The following SKAP1 variants were observed in gnomAD, a reference collection of about 807,000 sequenced individuals.
The protein encoded by SKAP1 is src kinase-associated phosphoprotein 1.
A neutral mutation model predicts 58.5 loss-of-function variants in SKAP1; 44 were observed. The ratio of observed to expected loss-of-function variants is 0.75; its 90% CI spans 0.59 to 0.97. SKAP1 has a LOEUF of 0.97. Among genes scored for constraint, SKAP1 ranks in the 50% least tolerant of loss-of-function variants. The pLI is 0.00. For missense variants in SKAP1, 390 were observed against 435.2 expected, an observed-to-expected ratio of 0.90 and a Z score of 0.92; for synonymous variants, 127 against 149.7, an observed-to-expected ratio of 0.85 and a Z score of 1.11.
At chr17:48,227,860 A>G (rs886587907) in intron 4 of SKAP1, among the ~76,000 whole-genome samples, 1 of 152,194 alleles carries the variant, frequency 6.6e-6, no homozygotes, top group African/African-American at 2.4e-5. Context: ...GTTTTATCTT[A>G]TAAGGTTGTT....
chr17:48,262,695 A>G (rs1376296057), intron 4 of SKAP1, among the ~76,000 whole-genome samples: 2 of 152,198 alleles, frequency 1.3e-5, no homozygotes, highest in African/African-American at 4.8e-5. Context: ...ATGTTTTATG[A>G]GCCAATGCCA....
chr17:48,149,860 C>T (rs752342344), intron 11 of SKAP1, among the ~76,000 whole-genome samples: 1 of 152,030 alleles, frequency 6.6e-6, no homozygotes, highest in African/African-American at 2.4e-5. Context: ...CCATTTTTCA[C>T]GGACAAACTT....
chr17:48,171,090 G>GTT lies in SKAP1; in HGVS notation c.827-433_827-432dup, dbSNP rs1458338120. On this transcript the variant is annotated intron_variant, in intron 9 of 12. Coordinates refer to ENST00000336915, the MANE Select transcript of SKAP1 (RefSeq NM_003726.4). ...CTTCTTTAAGGAAAGTTTAATTACT[G>GTT]TTGTTTTTTTTTTTTTTTTTTTTTT... is the stretch of plus-strand genomic sequence containing the variant. 9.0e-4 allele frequency among the ~76,000 whole-genome samples: 67 copies of GTT among 74,106 alleles called. 1 individual carries two copies. Among genetic ancestry groups the GTT allele is most frequent in the South Asian group, 3.4e-3 (6 of 1,744 alleles). The allele number at this position is 74,106 out of a possible 152,430, so 48.6% of individuals were successfully genotyped here. A position where few individuals can be genotyped will look rare whatever the true frequency, so the allele number is the denominator to read the frequency against.
At chr17:48,270,492 C>T (rs754717484) in intron 4 of SKAP1, among the ~76,000 whole-genome samples, 49 of 151,950 alleles carry the variant, frequency 3.2e-4, no homozygotes, top group Non-Finnish European at 2.4e-4. Flanking sequence ...TACAGGTGCG[C>T]GCCACATGCC....
chr17:48,170,665 G>A lies in SKAP1; in HGVS notation c.827-6C>T, dbSNP rs1385613600. On this transcript the variant is annotated splice_region_variant and splice_polypyrimidine_tract_variant and intron_variant, in intron 9 of 12. Transcript: ENST00000336915. Reference sequence around the variant, plus strand: ...TTCTAGATCATGCTCTTCATCTGGGGGGATAAATGATCAGTATTAGCAATT... The same window carrying A: ...TTCTAGATCATGCTCTTCATCTGGGAGGATAAATGATCAGTATTAGCAATT... The A allele has an allele frequency of 6.2e-7, 1 of 1,612,470 alleles. No homozygotes were observed. The highest frequency in any genetic ancestry group is 8.5e-7 in the Non-Finnish European group (1 of 1,179,232).
intron 4 of SKAP1, among the ~76,000 whole-genome samples, chr17:48,322,069 G>A (rs945305067): frequency 2.0e-5 from 3 of 152,008 alleles, no homozygotes; most frequent in African/African-American, 7.3e-5. Flanking sequence ...TATCTGCCTG[G>A]CATTATCTTT....
At chr17:48,323,615 A>G (rs1253679539) in intron 4 of SKAP1, among the ~76,000 whole-genome samples, 1 of 152,168 alleles carries the variant, frequency 6.6e-6, no homozygotes, top group African/African-American at 2.4e-5. Context: ...TACTAAGAAT[A>G]AATGCATTTG....
chr17:48,137,583 C>G (rs2144564790), intron 11 of SKAP1, among the ~76,000 whole-genome samples: 1 of 152,296 alleles, frequency 6.6e-6, no homozygotes, highest in South Asian at 2.1e-4. Context: ...CTTGCTGAAC[C>G]TGAAGAGCAT....
At chr17:48,428,795 G>C (rs1046910680) in intron 1 of SKAP1, among the ~76,000 whole-genome samples, 2 of 152,142 alleles carry the variant, frequency 1.3e-5, no homozygotes, top group African/African-American at 4.8e-5. Flanking sequence ...AGAGGGAAAG[G>C]CTGGATTGTT....
intron 3 of SKAP1, among the ~76,000 whole-genome samples, chr17:48,353,109 G>C (rs1398320900): frequency 6.6e-6 from 1 of 152,172 alleles, no homozygotes; most frequent in African/African-American, 2.4e-5. Context: ...CAAGAAAGAA[G>C]TGGTCCAATT....
At chr17:48,194,425 C>T (rs900540209) in intron 4 of SKAP1, among the ~76,000 whole-genome samples, 17 of 152,278 alleles carry the variant, frequency 1.1e-4, no homozygotes, top group African/African-American at 3.9e-4. Context: ...GAGTGTGATA[C>T]ATTTCCATAA....
At chr17:48,438,941 G>C in the SKAP1 span, among the ~76,000 whole-genome samples, 1 of 152,184 alleles carries the variant, frequency 6.6e-6, no homozygotes, top group Non-Finnish European at 1.5e-5. Context: ...GAGAGTGAAT[G>C]AGAAGTTGAA....
At chr17:48,316,313 TA>T (rs2066286196) in intron 4 of SKAP1, among the ~76,000 whole-genome samples, 1 of 152,196 alleles carries the variant, frequency 6.6e-6, no homozygotes, top group Non-Finnish European at 1.5e-5. Context: ...GTTTCTTGAT[TA>T]TTCCCTGAAG....
At chr17:48,440,078 G>C in the SKAP1 span, among the ~76,000 whole-genome samples, 1 of 152,180 alleles carries the variant, frequency 6.6e-6, no homozygotes, top group East Asian at 1.9e-4. Context: ...TGATAGTTCA[G>C]CAATGCGGCC....
At chr17:48,176,447 C>T (rs907048666) in intron 9 of SKAP1, among the ~76,000 whole-genome samples, 6 of 152,028 alleles carry the variant, frequency 3.9e-5, no homozygotes, top group Admixed American at 2.0e-4. Context: ...AAAATAACTT[C>T]GGTGGTGGTG....
chr17:48,296,847 G>GA (rs958256221), intron 4 of SKAP1, among the ~76,000 whole-genome samples: 93 of 146,208 alleles, frequency 6.4e-4, no homozygotes, highest in African/African-American at 2.0e-3. Flanking sequence ...CTTTAATTAG[G>GA]AAAAAAAAAA....
At chr17:48,191,037 G>C (rs1034641138) in intron 4 of SKAP1, among the ~76,000 whole-genome samples, 1 of 152,084 alleles carries the variant, frequency 6.6e-6, no homozygotes, top group African/African-American at 2.4e-5. Flanking sequence ...ACTGTAAAAG[G>C]CTTCACAAAT....
intron 4 of SKAP1, among the ~76,000 whole-genome samples, chr17:48,198,477 A>AAAAAAAAAT: frequency 6.6e-6 from 1 of 151,018 alleles, no homozygotes; most frequent in Non-Finnish European, 1.5e-5. Context: ...AAAAAAAAAA[A>AAAAAAAAAT]AGAATGGGTT....
rs113936514 is a variant in SKAP1 at position 48,386,462 on chromosome 17, C to A, written c.152+10218G>T. Among the ~76,000 whole-genome samples the A allele has an allele frequency of 4.0e-3, 610 of 152,178 alleles. 8 individuals are homozygous for A. The highest frequency in any genetic ancestry group is 0.014 in the African/African-American group (584 of 41,522). On this transcript the variant is annotated intron_variant, in intron 2 of 12. Transcript: ENST00000336915. ...CTCAAATGTTAATGTGCATACTGTACAAATAAACTTAGGATCCTATTAAAA... is the reference window on the plus strand; with the variant it reads ...CTCAAATGTTAATGTGCATACTGTAAAAATAAACTTAGGATCCTATTAAAA...
Sources: gnomAD v4.1 joint callset for allele counts (sites outside exome capture counted in the v4.1 genomes callset) on GRCh38, gnomAD v4.1.1 for gene constraint, MANE v1.5 for transcripts, NCBI Gene and HGNC (gene_info 2026-07-23, HGNC 2026-07-21) for gene names.